Variants in AFF1 observed in about 807,000 individuals in gnomAD.
The protein encoded by AFF1 is ALF transcription elongation factor 1.
In AFF1, 48 loss-of-function variants were observed where a neutral mutation model predicts 121.7. The observed-to-expected ratio is 0.39, with a 90% CI of 0.31 to 0.50. The LOEUF is 0.50. Among genes scored for constraint, AFF1 ranks in the 20% least tolerant of loss-of-function variants. AFF1 has a pLI of 0.76. For missense variants in AFF1, 1,523 were observed against 1,511.7 expected, an observed-to-expected ratio of 1.01 and a Z score of -0.12; for synonymous variants, 613 against 563.0, an observed-to-expected ratio of 1.09 and a Z score of -1.26.
At chr4:87,091,891 G>A (rs1293484654) in intron 7 of AFF1, 62 bp downstream of exon 7, 8 of 1,256,260 alleles carry the variant, frequency 6.4e-6, no homozygotes, top group South Asian at 5.6e-5. Flanking sequence ...ACTGTTTAAC[G>A]TAAAAACATT....
chr4:86,940,588 G>A (rs1484730341), intron 1 of AFF1, among the ~76,000 whole-genome samples: 7 of 151,824 alleles, frequency 4.6e-5, no homozygotes, highest in African/African-American at 1.7e-4. Flanking sequence ...TAGTAGAGAC[G>A]GGGTTTCACC....
At chr4:87,110,688 A>T (rs2149757360) in intron 11 of AFF1, among the ~76,000 whole-genome samples, 1 of 152,350 alleles carries the variant, frequency 6.6e-6, no homozygotes, top group African/African-American at 2.4e-5. Context: ...TGTTACTAAA[A>T]GAGTAAATCT....
At chr4:87,095,785 C>G (rs1452796976) in intron 8 of AFF1, among the ~76,000 whole-genome samples, 1 of 149,688 alleles carries the variant, frequency 6.7e-6, no homozygotes, top group South Asian at 2.2e-4. Flanking sequence ...TTTGTCATTT[C>G]TTGATGGTAT....
chr4:87,042,385 G>T (rs1262583690), intron 2 of AFF1, among the ~76,000 whole-genome samples: 2 of 152,176 alleles, frequency 1.3e-5, no homozygotes, highest in Non-Finnish European at 2.9e-5. Context: ...CAGAGCAGGG[G>T]CTCAAAGCCT....
At chr4:86,954,500 CT>C (rs1256494734) in intron 2 of AFF1, among the ~76,000 whole-genome samples, 5 of 152,118 alleles carry the variant, frequency 3.3e-5, no homozygotes, top group African/African-American at 1.2e-4. Flanking sequence ...GGTGGGCAGA[CT>C]GCTTGAGTCC....
chr4:87,118,378 G>C (rs143677344), intron 12 of AFF1, among the ~76,000 whole-genome samples: 1 of 152,344 alleles, frequency 6.6e-6, no homozygotes, highest in East Asian at 1.9e-4. Flanking sequence ...AACTGTGAGG[G>C]TAAATACGCA....
chr4:87,007,870 G>A (rs1726326705), intron 2 of AFF1, among the ~76,000 whole-genome samples: 1 of 152,140 alleles, frequency 6.6e-6, no homozygotes, highest in Non-Finnish European at 1.5e-5. Flanking sequence ...GAATTTGCCT[G>A]GTGAGTGAAA....
chr4:87,069,271 C>A (rs1371858253), intron 4 of AFF1, among the ~76,000 whole-genome samples: 1 of 80,568 alleles, frequency 1.2e-5, no homozygotes, highest in Non-Finnish European at 2.2e-5. Context: ...TGTGTGGCCT[C>A]TTTTTTTTTT....
intron 2 of AFF1, among the ~76,000 whole-genome samples, chr4:86,968,310 A>G (rs1172517305): frequency 6.6e-6 from 1 of 152,136 alleles, no homozygotes; most frequent in African/African-American, 2.4e-5. Context: ...GTAGAAATTC[A>G]ATCAATTAAT....
rs367685971 is a variant in AFF1 at position 87,103,993 on chromosome 4, G to C, written c.1284-1635G>C. ...AAGATACATCTTTTATCTTTTGTTTGTGTATAACTCAGCCCAGCCACCATT... is the reference window on the plus strand; with the variant it reads ...AAGATACATCTTTTATCTTTTGTTTCTGTATAACTCAGCCCAGCCACCATT... On this transcript the variant is annotated intron_variant, in intron 8 of 20. Transcript: ENST00000395146. 9.1e-4 allele frequency among the ~76,000 whole-genome samples: 138 copies of C among 152,224 alleles called. 3 individuals are homozygous for C. The South Asian group carries it at 0.028, about 30-fold the overall frequency.
chr4:86,961,088 G>C (rs998601487), intron 2 of AFF1, among the ~76,000 whole-genome samples: 1 of 152,108 alleles, frequency 6.6e-6, no homozygotes, highest in Non-Finnish European at 1.5e-5. Flanking sequence ...AGTATTGAAG[G>C]CCTTCCATTC....
chr4:87,000,805 G>C (rs1387223674), intron 2 of AFF1, among the ~76,000 whole-genome samples: 1 of 151,924 alleles, frequency 6.6e-6, no homozygotes, highest in Non-Finnish European at 1.5e-5. Flanking sequence ...ACCAGATCAG[G>C]TAAAGAAAAA....
chr4:86,997,847 G>A (rs1486392222), intron 2 of AFF1, among the ~76,000 whole-genome samples: 1 of 151,798 alleles, frequency 6.6e-6, no homozygotes, highest in Non-Finnish European at 1.5e-5. Context: ...GGTGGCTCAC[G>A]CCTGTAATCC....
chr4:87,028,437 T>C (rs972825528), intron 2 of AFF1, among the ~76,000 whole-genome samples: 1 of 152,228 alleles, frequency 6.6e-6, no homozygotes, highest in African/African-American at 2.4e-5. Context: ...GGTTATTTTT[T>C]GGTGTGTATC....
intron 2 of AFF1, among the ~76,000 whole-genome samples, chr4:87,022,734 ATC>A (rs1278631535): frequency 2.7e-5 from 4 of 148,502 alleles, no homozygotes; most frequent in Non-Finnish European, 1.5e-5. Flanking sequence ...ATGTATATAT[ATC>A]TGTGTGTGTG....
chr4:86,964,180 A>G (rs1346111724), intron 2 of AFF1, among the ~76,000 whole-genome samples: 4 of 148,840 alleles, frequency 2.7e-5, no homozygotes, highest in Non-Finnish European at 4.5e-5. Context: ...CTAGGGTGCA[A>G]TGGTGTGATC....
rs542162286 is a variant in AFF1 at position 87,017,330 on chromosome 4, GATT to G, written c.39-28831_39-28829del. Among the ~76,000 whole-genome samples, 528 of 152,068 alleles carry G rather than the reference GATT, an allele frequency of 3.5e-3. 3 individuals carry two copies. Among genetic ancestry groups the G allele is most frequent in the Middle Eastern group, 0.014 (4 of 292 alleles). On this transcript the variant is annotated intron_variant, in intron 2 of 20. Coordinates refer to ENST00000395146, the MANE Select transcript of AFF1 (RefSeq NM_001166693.3). ...CTGAGATCTGATCAATTTTGCATTT[GATT>G]ATTAGAAAATTATATATTGTTTTCA... is the stretch of plus-strand genomic sequence containing the variant.
At chr4:87,007,494 G>T in intron 2 of AFF1, 1 of 1,599,346 alleles carries the variant, frequency 6.3e-7, no homozygotes. Flanking sequence ...GCGGGGGAGG[G>T]CAGGGTGCGG....
chr4:87,007,122 C>G, intron 2 of AFF1: 1 of 1,269,480 alleles, frequency 7.9e-7, no homozygotes, highest in Non-Finnish European at 9.9e-7. Flanking sequence ...GCTCGCTTGC[C>G]CCGGATTCGG....
Sources: gnomAD v4.1 joint callset for allele counts (sites outside exome capture counted in the v4.1 genomes callset) on GRCh38, gnomAD v4.1.1 for gene constraint, MANE v1.5 for transcripts, NCBI Gene and HGNC (gene_info 2026-07-23, HGNC 2026-07-21) for gene names.